SLC25A21: variants seen among roughly 807,000 people sequenced by gnomAD.
SLC25A21 encodes the protein mitochondrial 2-oxodicarboxylate carrier.
Under a neutral mutation model 43.8 loss-of-function variants are expected in SLC25A21, and 47 were observed. That is an observed-to-expected ratio of 1.07 (90% CI 0.85 to 1.37). The LOEUF (loss-of-function observed/expected upper bound fraction) is 1.37. Ranked by LOEUF, SLC25A21 falls within the 40% of genes most tolerant of loss-of-function variation. The pLI, the probability that SLC25A21 is intolerant of heterozygous loss-of-function variation, is 0.00. For missense variants in SLC25A21, 352 were observed against 350.2 expected, an observed-to-expected ratio of 1.00 and a Z score of -0.04; for synonymous variants, 131 against 121.3, an observed-to-expected ratio of 1.08 and a Z score of -0.52.
chr14:37,044,025 C>T (rs937710408), intron 1 of SLC25A21, among the ~76,000 whole-genome samples: 2 of 144,008 alleles, frequency 1.4e-5, no homozygotes, highest in African/African-American at 5.3e-5. Flanking sequence ...CTCAAATGAT[C>T]CTCCCGCCTC....
rs1269603436 is a variant in SLC25A21, at chr14:36,678,548, C to T, written c.*2110G>A. 4 of 1,536,360 alleles carry T rather than the reference C, an allele frequency of 2.6e-6. No individual in the cohort carries two copies. Among genetic ancestry groups the T allele is most frequent in the Non-Finnish European group, 3.5e-6 (4 of 1,146,518 alleles). ...ATCCAATCCAATATTTTGGTGGAGA[C>T]TTCTTTAAAACCATACCATACAGGG... is the stretch of plus-strand genomic sequence containing the variant. On this transcript the variant is annotated 3_prime_UTR_variant, in exon 10 of 10. Transcript: ENST00000331299.
chr14:36,854,551 T>C (rs756201459), intron 2 of SLC25A21, among the ~76,000 whole-genome samples: 30 of 152,168 alleles, frequency 2.0e-4, no homozygotes, highest in Admixed American at 5.9e-4. Context: ...TTAGAAAGAT[T>C]AAAGTAGACA....
intron 1 of SLC25A21, among the ~76,000 whole-genome samples, chr14:36,978,713 T>C (rs954453644): frequency 1.3e-5 from 2 of 152,172 alleles, no homozygotes; most frequent in Non-Finnish European, 2.9e-5. Flanking sequence ...ACTTGGAGGA[T>C]TTTGTTTTGC....
chr14:36,737,200 C>A (rs1885076988), intron 3 of SLC25A21, among the ~76,000 whole-genome samples: 1 of 152,188 alleles, frequency 6.6e-6, no homozygotes, highest in South Asian at 2.1e-4. Flanking sequence ...TGCATCAAAT[C>A]TTACACTGCT....
intron 6 of SLC25A21, among the ~76,000 whole-genome samples, chr14:36,714,020 AAAG>A (rs1286456624): frequency 6.6e-6 from 1 of 152,190 alleles, no homozygotes; most frequent in Non-Finnish European, 1.5e-5. Flanking sequence ...CAAAACAAAA[AAAG>A]AAAAAAAAAT....
rs376908625 is a variant in SLC25A21 at position 36,687,665 on chromosome 14, C to T, written c.604-2740G>A. On this transcript the variant is annotated intron_variant, in intron 7 of 9. Transcript: ENST00000331299. ...GCATCCCAGGCTGGGCCTGTGTGTG[C>T]GAGGACAACTGTCTCAGCTCGCCTC... 1.5e-4 allele frequency among the ~76,000 whole-genome samples: 23 copies of T among 152,256 alleles called. No individual in the cohort carries two copies. The East Asian group carries it at 3.3e-3, about 22-fold the overall frequency.
chr14:37,026,503 G>A (rs1196104092), intron 1 of SLC25A21, among the ~76,000 whole-genome samples: 1 of 152,104 alleles, frequency 6.6e-6, no homozygotes, highest in Non-Finnish European at 1.5e-5. Context: ...AATAAACAAT[G>A]AGATTAGATC....
chr14:36,863,291 G>GA (rs1208276662), intron 2 of SLC25A21, among the ~76,000 whole-genome samples: 1 of 152,108 alleles, frequency 6.6e-6, no homozygotes. Flanking sequence ...TATCCAAACA[G>GA]AACACACCTT....
intron 1 of SLC25A21, among the ~76,000 whole-genome samples, chr14:36,965,254 CCAT>C (rs1489441398): frequency 6.6e-6 from 1 of 152,108 alleles, no homozygotes; most frequent in Non-Finnish European, 1.5e-5. Context: ...ATCATAATCA[CCAT>C]GACTTTCCAC....
Position 36,680,708 on chromosome 14 carries a change from T to G in SLC25A21, c.850A>C (p.Met284Leu). The G allele has an allele frequency of 6.2e-7, 1 of 1,613,096 alleles. No homozygotes were observed. The highest frequency in any genetic ancestry group is 1.1e-5 in the South Asian group (1 of 90,832). ...TAGGTGTATTCATAAACCAGCAGCA[T>G]CACTGCACCACCTAGAAAAGAAAAG... The part of the protein sequence containing the change: ...IMRLGPGGAV[M>L]LLVYEYTYSW... Residue 284 changes from methionine (M) to leucine (L), a missense_variant, in exon 10 of 10, where the codon ATG becomes CTG. Met to Leu is a conservative substitution (Grantham distance 15). Coordinates refer to ENST00000331299, the MANE Select transcript of SLC25A21 (RefSeq NM_030631.4).
intron 1 of SLC25A21, among the ~76,000 whole-genome samples, chr14:37,030,716 A>G (rs1246316418): frequency 6.6e-6 from 1 of 152,198 alleles, no homozygotes; most frequent in Admixed American, 6.5e-5. Flanking sequence ...TTCAGAAAGA[A>G]CACACTATAA....
chr14:36,822,225 A>G (rs1888663337), intron 2 of SLC25A21, among the ~76,000 whole-genome samples: 1 of 152,150 alleles, frequency 6.6e-6, no homozygotes, highest in Non-Finnish European at 1.5e-5. Flanking sequence ...ATCAATTAAC[A>G]CTCCAAAATA....
intron 2 of SLC25A21, among the ~76,000 whole-genome samples, chr14:36,854,937 G>GGC: frequency 6.6e-6 from 1 of 151,726 alleles, no homozygotes; most frequent in East Asian, 1.9e-4. Flanking sequence ...ATGAGGTGGG[G>GGC]GGGGGTATTC....
intron 3 of SLC25A21, among the ~76,000 whole-genome samples, chr14:36,753,136 A>C (rs1885774105): frequency 6.6e-6 from 1 of 152,274 alleles, no homozygotes; most frequent in South Asian, 2.1e-4. Context: ...AAAGTTCTGG[A>C]GGTGAATGAC....
At chr14:36,841,707 A>C (rs1250766108) in intron 2 of SLC25A21, among the ~76,000 whole-genome samples, 2 of 152,126 alleles carry the variant, frequency 1.3e-5, no homozygotes, top group Non-Finnish European at 1.5e-5. Context: ...CCAAGAACGT[A>C]CGGTGGTTCC....
chr14:36,901,183 C>G (rs1329708995), intron 1 of SLC25A21, among the ~76,000 whole-genome samples: 1 of 152,100 alleles, frequency 6.6e-6, no homozygotes, highest in East Asian at 1.9e-4. Context: ...CATTAATTTG[C>G]AAGATTTAGG....
chr14:36,712,606 C>T (rs1273000987), intron 6 of SLC25A21, among the ~76,000 whole-genome samples: 1 of 152,078 alleles, frequency 6.6e-6, no homozygotes, highest in African/African-American at 2.4e-5. Flanking sequence ...ATAGTAAATC[C>T]TATAGTCTTT....
At chr14:36,866,007 A>G (rs1371096058) in intron 2 of SLC25A21, among the ~76,000 whole-genome samples, 1 of 152,156 alleles carries the variant, frequency 6.6e-6, no homozygotes, top group African/African-American at 2.4e-5. Context: ...GCATTGGCCT[A>G]TCCACTCACC....
chr14:36,950,546 G>A (rs1892784227), intron 1 of SLC25A21, among the ~76,000 whole-genome samples: 1 of 152,136 alleles, frequency 6.6e-6, no homozygotes, highest in Admixed American at 6.5e-5. Flanking sequence ...TTGGCCTCTA[G>A]AACTAAGAGA....
Sources: allele counts gnomAD v4.1 joint callset (sites outside exome capture counted in the v4.1 genomes callset), GRCh38; gene constraint gnomAD v4.1.1; transcripts MANE v1.5; gene names NCBI Gene and HGNC (gene_info 2026-07-23, HGNC 2026-07-21).